Variants in LRP8 observed in about 807,000 individuals in gnomAD.
The protein encoded by LRP8 is LDL receptor related protein 8.
LRP8 carries 46 observed loss-of-function variants against 111.6 expected under a neutral mutation model. That is an observed-to-expected ratio of 0.41 (90% CI 0.33 to 0.53). The LOEUF (loss-of-function observed/expected upper bound fraction) is 0.53. LRP8 is among the 20% of genes least tolerant of loss of function. LRP8 has a pLI of 0.20. For synonymous variants in LRP8, 464 were observed against 511.2 expected, an observed-to-expected ratio of 0.91 and a Z score of 1.24; for missense variants, 959 against 1,297.4, an observed-to-expected ratio of 0.74 and a Z score of 4.01.
intron 2 of LRP8, among the ~76,000 whole-genome samples, chr1:53,325,597 G>A (rs1655027858): frequency 6.6e-6 from 1 of 152,230 alleles, no homozygotes; most frequent in Non-Finnish European, 1.5e-5. Flanking sequence ...GTTCTGCCAC[G>A]CACAAGACAC....
chr1:53,255,758 G>GTGAC (rs1029908998), intron 15 of LRP8, among the ~76,000 whole-genome samples: 1 of 152,178 alleles, frequency 6.6e-6, no homozygotes, highest in Admixed American at 6.5e-5. Context: ...CACTACCCAT[G>GTGAC]TGACCTTGGG....
In LRP8 at chr1:53,311,775, C is replaced by T. The variant is rs558606953; in HGVS notation, c.244+15098G>A. On this transcript the variant is annotated intron_variant, in intron 2 of 18. Coordinates refer to ENST00000306052, the MANE Select transcript of LRP8 (RefSeq NM_004631.5). Reference sequence around the variant, plus strand: ...CCCCACTCGTAACCACCACACGCCACGGCCACAGCCCAGCCACCCATGTGG... The same window carrying T: ...CCCCACTCGTAACCACCACACGCCATGGCCACAGCCCAGCCACCCATGTGG... Among the ~76,000 whole-genome samples, 7 of 152,360 alleles carry T rather than the reference C, an allele frequency of 4.6e-5. No individual in the cohort carries two copies. In the East Asian group the frequency reaches 1.2e-3, roughly 25 times the overall value.
intron 2 of LRP8, among the ~76,000 whole-genome samples, chr1:53,315,559 C>T (rs1049969543): frequency 5.3e-5 from 8 of 152,208 alleles, no homozygotes; most frequent in African/African-American, 1.9e-4. Context: ...GAGGTGTGGA[C>T]TTGACCCCAG....
At chr1:53,289,767 T>TG in intron 2 of LRP8, 78 bp from the exon 3 acceptor site, 2 of 1,575,176 alleles carry the variant, frequency 1.3e-6, no homozygotes, top group African/African-American at 2.7e-5. Context: ...GTGCTTGGTC[T>TG]GCAAACCAGG....
intron 2 of LRP8, among the ~76,000 whole-genome samples, chr1:53,323,328 C>T (rs1225211594): frequency 6.6e-6 from 1 of 152,196 alleles, no homozygotes; most frequent in African/African-American, 2.4e-5. Flanking sequence ...GAACGAGGGG[C>T]GATGTGTGGA....
At chr1:53,308,786 A>G (rs1652462372) in intron 2 of LRP8, among the ~76,000 whole-genome samples, 1 of 152,128 alleles carries the variant, frequency 6.6e-6, no homozygotes, top group Non-Finnish European at 1.5e-5. Flanking sequence ...ATTCCAAAGG[A>G]GCTCTCACAC....
chr1:53,252,970 G>A (rs1484474828), intron 16 of LRP8, among the ~76,000 whole-genome samples: 1 of 152,160 alleles, frequency 6.6e-6, no homozygotes, highest in Admixed American at 6.5e-5. Flanking sequence ...ATCAAAGTAC[G>A]TATGGGAGGT....
At chr1:53,282,613 G>T (rs1477843191) in intron 3 of LRP8, among the ~76,000 whole-genome samples, 2 of 152,070 alleles carry the variant, frequency 1.3e-5, no homozygotes, top group Non-Finnish European at 2.9e-5. Context: ...CTCATCAAAG[G>T]GTGGGGGGTG....
chr1:53,295,498 G>A (rs1649534983), intron 2 of LRP8, among the ~76,000 whole-genome samples: 1 of 152,112 alleles, frequency 6.6e-6, no homozygotes, highest in Admixed American at 6.5e-5. Context: ...GCTAAACACA[G>A]GGCTGCTCTC....
Position 53,246,958 on chromosome 1 carries a change from C to T in LRP8, c.*60G>A, listed in dbSNP as rs949459183. 24 of 1,440,738 alleles carry T rather than the reference C, an allele frequency of 1.7e-5. No homozygotes were observed. In the African/African-American group the frequency reaches 3.2e-4, roughly 19 times the overall value. The allele number at this position is 1,440,738 out of a possible 1,614,324, so 89.2% of individuals were successfully genotyped here. On this transcript the variant is annotated 3_prime_UTR_variant, in exon 19 of 19. Transcript: ENST00000306052. ...GAAACCCATTCATCCAGTCATACAC[C>T]ATCCAGAGTGTAGTGCATGGGACTG...
In LRP8 at chr1:53,281,057, G is replaced by T. The variant is rs149439482; in HGVS notation, c.368-342C>A. On this transcript the variant is annotated intron_variant, in intron 3 of 18. Transcript: ENST00000306052. ...AGTTCTGGCAACATGGAGCCACCAT[G>T]CCCTGCACTCTTCTCTGCCATTTCC... Among the ~76,000 whole-genome samples the T allele has an allele frequency of 9.2e-5, 14 of 152,276 alleles. No homozygotes were observed. In the East Asian group the frequency reaches 2.7e-3, roughly 29 times the overall value.
intron 2 of LRP8, among the ~76,000 whole-genome samples, chr1:53,312,686 C>T (rs111679655): frequency 1.3e-5 from 2 of 152,000 alleles, no homozygotes; most frequent in Admixed American, 6.6e-5. Context: ...TTAAGTGAGC[C>T]GTGCCCAGCT....
At chr1:53,257,917 A>G (rs2100362791) in intron 14 of LRP8, 1 of 214,738 alleles carries the variant, frequency 4.7e-6, no homozygotes, top group Non-Finnish European at 9.4e-6. Context: ...AGTATTAACT[A>G]TTAGTCCCAA....
chr1:53,295,360 C>T (rs1163852278), intron 2 of LRP8, among the ~76,000 whole-genome samples: 3 of 152,162 alleles, frequency 2.0e-5, no homozygotes, highest in African/African-American at 7.2e-5. Context: ...ACCTGGAGCT[C>T]CACCAGGCCA....
intron 4 of LRP8, among the ~76,000 whole-genome samples, chr1:53,278,756 T>C (rs1647008891): frequency 3.3e-5 from 1 of 30,312 alleles, no homozygotes; most frequent in Non-Finnish European, 7.4e-5. Flanking sequence ...TGGGAAGTGC[T>C]TTTTTTTTTT....
At position 53,262,262 on chromosome 1, in the gene LRP8, G is replaced by A; in HGVS notation, c.1775-55C>T. 1 of 1,606,386 alleles carries A rather than the reference G, an allele frequency of 6.2e-7. No homozygotes were observed. Among genetic ancestry groups the A allele is most frequent in the Non-Finnish European group, 8.5e-7 (1 of 1,176,112 alleles). Reference sequence around the variant, plus strand: ...ACCTGGGACCCCAGTCTGGAGCTCTGTTCCTTTGTACCTCTCCCTGCCCAC... The same window carrying A: ...ACCTGGGACCCCAGTCTGGAGCTCTATTCCTTTGTACCTCTCCCTGCCCAC... On this transcript the variant is annotated intron_variant, in intron 11 of 18. Coordinates refer to ENST00000306052, the MANE Select transcript of LRP8 (RefSeq NM_004631.5). This position sits in a 1 kb window ranked among gnomAD's most constrained non-coding sequence, Gnocchi z 4.8.
Position 53,279,253 on chromosome 1 carries a change from T to A in LRP8, c.496+1334A>T, listed in dbSNP as rs1284128851. Among the ~76,000 whole-genome samples, 2 of 152,092 alleles carry A rather than the reference T, an allele frequency of 1.3e-5. No homozygotes were observed. The highest frequency in any genetic ancestry group is 2.9e-5 in the Non-Finnish European group (2 of 68,002). ...TGAGGGGTGGGAGGACTCTTTCCTC[T>A]GCCTAGGAGGGTGGAAGCTATAGCA... is the stretch of plus-strand genomic sequence containing the variant. On this transcript the variant is annotated intron_variant, in intron 4 of 18. Coordinates refer to ENST00000306052, the MANE Select transcript of LRP8 (RefSeq NM_004631.5). The surrounding 1 kb of genome is among the most constrained non-coding windows in gnomAD (Gnocchi z 4.4).
intron 18 of LRP8, among the ~76,000 whole-genome samples, chr1:53,247,827 C>T (rs574411134): frequency 2.0e-5 from 3 of 152,322 alleles, no homozygotes; most frequent in South Asian, 2.1e-4. Flanking sequence ...AATTCCCTTC[C>T]GTTCATTCTG....
At position 53,275,371 on chromosome 1, in the gene LRP8, G is replaced by C. The variant is rs1000797450; in HGVS notation, c.1006+260C>G. On this transcript the variant is annotated intron_variant, in intron 6 of 18. Transcript: ENST00000306052. The surrounding 1 kb of genome is among the most constrained non-coding windows in gnomAD (Gnocchi z 4.4). ...CTCACCAGCTGGGACCTGGACAAGT[G>C]GTGGGGGCTGGACTTCCCAAGTGCT... Among the ~76,000 whole-genome samples, 1 of 152,184 alleles carries C rather than the reference G, an allele frequency of 6.6e-6. No individual in the cohort carries two copies. The highest frequency in any genetic ancestry group is 1.5e-5 in the Non-Finnish European group (1 of 68,024).
Sources: allele counts gnomAD v4.1 joint callset (sites outside exome capture counted in the v4.1 genomes callset), GRCh38; gene constraint gnomAD v4.1.1; non-coding constraint Gnocchi (gnomAD v3.1); transcripts MANE v1.5; gene names NCBI Gene and HGNC (gene_info 2026-07-23, HGNC 2026-07-21).